ZFAND3: variants seen among roughly 807,000 people sequenced by gnomAD.
ZFAND3 encodes AN1-type zinc finger protein 3.
A neutral mutation model predicts 29.6 loss-of-function variants in ZFAND3; 10 were observed. That is an observed-to-expected ratio of 0.34 (90% CI 0.21 to 0.57). ZFAND3 has a LOEUF of 0.57. Ranked by LOEUF, ZFAND3 falls within the 20% of genes least tolerant of loss-of-function variation. ZFAND3 has a pLI of 0.86. For missense variants in ZFAND3, 230 were observed against 304.5 expected (o/e 0.76, Z 1.82); for synonymous variants, 128 against 112.6 (o/e 1.14, Z -0.87).
At chr6:37,958,131 A>G (rs1406009203) in intron 2 of ZFAND3, among the ~76,000 whole-genome samples, 1 of 152,166 alleles carries the variant, frequency 6.6e-6, no homozygotes, top group Admixed American at 6.5e-5. Flanking sequence ...AGATCTGTAA[A>G]TTTTCAGTAC....
chr6:37,873,455 G>C (rs1354128378), intron 1 of ZFAND3, among the ~76,000 whole-genome samples: 1 of 152,162 alleles, frequency 6.6e-6, no homozygotes, highest in Non-Finnish European at 1.5e-5. Flanking sequence ...ATTTTATTGG[G>C]ATCATTTATG....
chr6:38,045,274 G>A (rs1036407704), intron 2 of ZFAND3, among the ~76,000 whole-genome samples: 13 of 151,698 alleles, frequency 8.6e-5, no homozygotes, highest in Admixed American at 6.6e-4. Context: ...TTTTAGTAGA[G>A]ATGGAGGTTT....
At chr6:37,994,015 G>A (rs995842707) in intron 2 of ZFAND3, among the ~76,000 whole-genome samples, 1 of 151,990 alleles carries the variant, frequency 6.6e-6, no homozygotes, top group South Asian at 2.1e-4. Flanking sequence ...TCATAGGACC[G>A]GTAAAAGAAT....
intron 1 of ZFAND3, among the ~76,000 whole-genome samples, chr6:37,833,493 G>C (rs1763902150): frequency 6.6e-6 from 1 of 151,800 alleles, no homozygotes; most frequent in African/African-American, 2.4e-5. Context: ...TTAGTTTACT[G>C]CAAACATTTC....
intron 2 of ZFAND3, among the ~76,000 whole-genome samples, chr6:37,973,080 T>G (rs1457204867): frequency 1.3e-5 from 2 of 152,168 alleles, no homozygotes; most frequent in African/African-American, 4.8e-5. Flanking sequence ...GGCTTTTGAT[T>G]GTTTCACTGC....
At chr6:38,013,669 G>A (rs1409581462) in intron 2 of ZFAND3, among the ~76,000 whole-genome samples, 1 of 151,798 alleles carries the variant, frequency 6.6e-6, no homozygotes. Flanking sequence ...GTGTGTAGGT[G>A]CCTAAGCCCT....
At chr6:37,962,786 C>T (rs1762221108) in intron 2 of ZFAND3, among the ~76,000 whole-genome samples, 1 of 152,006 alleles carries the variant, frequency 6.6e-6, no homozygotes, top group Non-Finnish European at 1.5e-5. Flanking sequence ...CCCTTCCACG[C>T]TGTGGAAGCT....
At chr6:38,009,870 A>G (rs1763115876) in intron 2 of ZFAND3, among the ~76,000 whole-genome samples, 1 of 152,212 alleles carries the variant, frequency 6.6e-6, no homozygotes, top group Non-Finnish European at 1.5e-5. Flanking sequence ...TGAATCTGAA[A>G]TTGATATTTT....
chr6:38,136,906 A>G (rs770960858), intron 5 of ZFAND3, among the ~76,000 whole-genome samples: 3 of 152,216 alleles, frequency 2.0e-5, no homozygotes, highest in East Asian at 1.9e-4. Flanking sequence ...GGGGTTCCAG[A>G]TTTACAAACT....
At chr6:38,013,352 CCTT>C (rs1763194006) in intron 2 of ZFAND3, among the ~76,000 whole-genome samples, 1 of 152,208 alleles carries the variant, frequency 6.6e-6, no homozygotes. Context: ...GAATATCTCA[CCTT>C]CTTTCGGGAC....
chr6:37,842,903 C>G (rs537044599), intron 1 of ZFAND3, among the ~76,000 whole-genome samples: 2 of 152,022 alleles, frequency 1.3e-5, no homozygotes, highest in Admixed American at 6.5e-5. Context: ...GGGTGGGTCA[C>G]TTGAGGTCTG....
chr6:38,127,712 TAAATG>T (rs1033050747), intron 5 of ZFAND3, among the ~76,000 whole-genome samples: 1 of 151,292 alleles, frequency 6.6e-6, no homozygotes, highest in Non-Finnish European at 1.5e-5. Context: ...TTTTTTTAAA[TAAATG>T]AGAAAACCAA....
intron 4 of ZFAND3, among the ~76,000 whole-genome samples, chr6:38,103,506 T>C (rs7452661): frequency 3.3e-5 from 1 of 30,282 alleles, no homozygotes. Context: ...TGTATATATA[T>C]ACACGTGTAT....
At chr6:37,875,636 T>TA (rs1764778500) in intron 1 of ZFAND3, among the ~76,000 whole-genome samples, 2 of 92,114 alleles carry the variant, frequency 2.2e-5, no homozygotes, top group Admixed American at 1.9e-4. Flanking sequence ...ATTTCTGTAT[T>TA]TTTTTTTTTT....
chr6:37,840,341 C>T (rs541315987), intron 1 of ZFAND3, among the ~76,000 whole-genome samples: 9 of 152,306 alleles, frequency 5.9e-5, no homozygotes, highest in Admixed American at 1.3e-4. Context: ...TCAAGCAATC[C>T]GCCTGCTTCA....
intron 4 of ZFAND3, among the ~76,000 whole-genome samples, chr6:38,089,082 C>G (rs528845540): frequency 2.6e-5 from 4 of 151,918 alleles, no homozygotes; most frequent in Non-Finnish European, 5.9e-5. Context: ...TTTTTTCCCC[C>G]AAAAAAGAGA....
intron 1 of ZFAND3, among the ~76,000 whole-genome samples, chr6:37,926,631 T>C (rs1561936618): frequency 6.6e-6 from 1 of 152,184 alleles, no homozygotes; most frequent in Non-Finnish European, 1.5e-5. Context: ...GTAAGGTAAC[T>C]TCGGGATTAA....
At chr6:37,904,481 G>T (rs1242260943) in intron 1 of ZFAND3, among the ~76,000 whole-genome samples, 1 of 152,066 alleles carries the variant, frequency 6.6e-6, no homozygotes, top group Non-Finnish European at 1.5e-5. Flanking sequence ...TCATTATTAG[G>T]CATATTGGAA....
intron 1 of ZFAND3, among the ~76,000 whole-genome samples, chr6:37,834,884 C>T (rs569873533): frequency 7.6e-4 from 113 of 148,058 alleles, no homozygotes; most frequent in African/African-American, 2.7e-3. Flanking sequence ...TACCAGTTTT[C>T]AAAAATGATT....
Sources: allele counts gnomAD v4.1 joint callset (sites outside exome capture counted in the v4.1 genomes callset), GRCh38; gene constraint gnomAD v4.1.1; transcripts MANE v1.5; gene names NCBI Gene and HGNC (gene_info 2026-07-23, HGNC 2026-07-21).